The following ZBTB16 variants were observed in gnomAD, a reference collection of about 807,000 sequenced individuals.
ZBTB16 encodes the protein zinc finger and BTB domain containing 16, also known as zinc finger and BTB domain-containing protein 16.
ZBTB16 carries 8 observed loss-of-function variants against 56.8 expected under a neutral mutation model. The ratio of observed to expected loss-of-function variants is 0.14; its 90% confidence interval spans 0.08 to 0.25. The LOEUF is 0.25. Ranked by LOEUF, ZBTB16 falls within the 10% of genes least tolerant of loss-of-function variation. ZBTB16 has a pLI of 1.00. For synonymous variants in ZBTB16, 363 were observed against 368.5 expected (o/e 0.98, Z 0.17); for missense variants, 625 against 903.0 (o/e 0.69, Z 3.95).
At chr11:114,134,961 C>G (rs1482263320) in intron 2 of ZBTB16, among the ~76,000 whole-genome samples, 3 of 152,140 alleles carry the variant, frequency 2.0e-5, no homozygotes, top group Non-Finnish European at 2.9e-5. Flanking sequence ...ATCAGATAAG[C>G]CACCAGTATT....
At chr11:114,168,953 G>A (rs1199742725) in intron 3 of ZBTB16, among the ~76,000 whole-genome samples, 2 of 152,212 alleles carry the variant, frequency 1.3e-5, no homozygotes. Flanking sequence ...TCTGCTCAGT[G>A]CCTTGTAGGG....
At chr11:114,095,226 A>ATTTCATTTCT (rs1940338223) in intron 2 of ZBTB16, among the ~76,000 whole-genome samples, 3 of 67,650 alleles carry the variant, frequency 4.4e-5, no homozygotes, top group Admixed American at 1.7e-4. Flanking sequence ...TATGTAACCA[A>ATTTCATTTCT]TTTCTTTTCT....
At chr11:114,246,083 A>C (rs1258951750) in intron 5 of ZBTB16, among the ~76,000 whole-genome samples, 1 of 152,068 alleles carries the variant, frequency 6.6e-6, no homozygotes, top group East Asian at 1.9e-4. Flanking sequence ...CATGCTCTGG[A>C]GATTTAAGAG....
At chr11:114,228,145 A>G (rs919685402) in intron 4 of ZBTB16, among the ~76,000 whole-genome samples, 7 of 152,244 alleles carry the variant, frequency 4.6e-5, no homozygotes, top group African/African-American at 1.4e-4. Context: ...AGTAAAATAC[A>G]TAGGATTGTC....
intron 1 of ZBTB16, among the ~76,000 whole-genome samples, chr11:114,062,090 TAAAC>T (rs1938896303): frequency 6.7e-6 from 1 of 150,174 alleles, no homozygotes; most frequent in African/African-American, 2.4e-5. Flanking sequence ...TGTGTGTGTG[TAAAC>T]ACACACACAC....
At chr11:114,170,198 A>G (rs1372407372) in intron 3 of ZBTB16, among the ~76,000 whole-genome samples, 1 of 152,210 alleles carries the variant, frequency 6.6e-6, no homozygotes, top group Non-Finnish European at 1.5e-5. Flanking sequence ...CTCATATAGG[A>G]TTTGATGGAC....
In ZBTB16 at chr11:114,060,001, T is replaced by C; in HGVS notation, c.-91+119T>C. 5.1e-6 allele frequency: 2 copies of C among 390,352 alleles called. No individual in the cohort carries two copies. Among genetic ancestry groups the C allele is most frequent in the East Asian group, 7.3e-5 (2 of 27,584 alleles). 24.2% of individuals were successfully genotyped at this position (390,352 alleles called of 1,614,324 possible). Reference sequence around the variant, plus strand: ...TTCGGCCACTCGGCCGCTGGGCTTGTGCCTTTTTTATTTGGCGTGTTCCCT... The same window carrying C: ...TTCGGCCACTCGGCCGCTGGGCTTGCGCCTTTTTTATTTGGCGTGTTCCCT... On this transcript the variant is annotated intron_variant, in intron 1 of 6. Coordinates refer to ENST00000335953, the MANE Select transcript of ZBTB16 (RefSeq NM_006006.6). The surrounding 1 kb of genome is among the most constrained non-coding windows in gnomAD (Gnocchi z 6.0).
chr11:114,121,730 G>T (rs564029763), intron 2 of ZBTB16: 1 of 441,484 alleles, frequency 2.3e-6, no homozygotes, highest in Non-Finnish European at 4.6e-6. Flanking sequence ...TCTGATCCCA[G>T]ATCCCAAATC....
chr11:114,100,794 G>T (rs963481119), intron 2 of ZBTB16, among the ~76,000 whole-genome samples: 1 of 152,172 alleles, frequency 6.6e-6, no homozygotes, highest in Admixed American at 6.5e-5. Flanking sequence ...CAAACTTACC[G>T]CAGGACCAGA....
At position 114,064,273 on chromosome 11, in the gene ZBTB16, C is replaced by T. The variant is rs752560624; in HGVS notation, c.973C>T (p.Pro325Ser). 1.9e-6 allele frequency: 3 copies of T among 1,614,084 alleles called. No homozygotes were observed. Among genetic ancestry groups the T allele is most frequent in the Non-Finnish European group, 2.5e-6 (3 of 1,180,042 alleles). Reference sequence around the variant, plus strand: ...CACTGGCCGACCTGAGCACCCAGCACCCCCGCCTGAGAAGCATCTGGGCAT... The same window carrying T: ...CACTGGCCGACCTGAGCACCCAGCATCCCCGCCTGAGAAGCATCTGGGCAT... ...APTGRPEHPA[P>S]PPEKHLGIYS... The change falls in exon 2 of 7, where the codon CCC becomes TCC. Residue 325 changes from proline to serine, a missense_variant. This residue lies in a region of ZBTB16 where 384 missense variants were observed against 393.5 expected (regional missense o/e 0.98). Transcript: ENST00000335953. The surrounding 1 kb of genome is among the most constrained non-coding windows in gnomAD (Gnocchi z 4.2).
chr11:114,147,298 CAT>C (rs1369365435), intron 2 of ZBTB16, among the ~76,000 whole-genome samples: 2 of 152,238 alleles, frequency 1.3e-5, no homozygotes, highest in Admixed American at 6.5e-5. Context: ...AGAGTGGAAA[CAT>C]ATAAAAATGA....
At chr11:114,120,688 A>G (rs1288913240) in intron 2 of ZBTB16, among the ~76,000 whole-genome samples, 1 of 152,132 alleles carries the variant, frequency 6.6e-6, no homozygotes, top group Non-Finnish European at 1.5e-5. Flanking sequence ...CGGATGCTGT[A>G]TTTACTTAAG....
At chr11:114,081,514 T>C (rs1939758130) in intron 2 of ZBTB16, among the ~76,000 whole-genome samples, 1 of 152,206 alleles carries the variant, frequency 6.6e-6, no homozygotes, top group Non-Finnish European at 1.5e-5. Context: ...TAAAACCTTG[T>C]TGAGCACTTA....
intron 4 of ZBTB16, 104 bp downstream of exon 4, chr11:114,187,142 A>G (rs756234068): frequency 1.8e-6 from 2 of 1,124,012 alleles, no homozygotes; most frequent in African/African-American, 3.0e-5. Context: ...TGTGACATCC[A>G]GTAATTTCCT....
chr11:114,127,495 A>G (rs1181503665), intron 2 of ZBTB16, among the ~76,000 whole-genome samples: 3 of 151,972 alleles, frequency 2.0e-5, no homozygotes, highest in Non-Finnish European at 2.9e-5. Context: ...CCACCCCAGT[A>G]CACACACACA....
At chr11:114,235,703 CTTTTCTTTCTTTCT>C (rs1944566924) in intron 4 of ZBTB16, among the ~76,000 whole-genome samples, 4 of 100,740 alleles carry the variant, frequency 4.0e-5, no homozygotes, top group Non-Finnish European at 8.1e-5. Flanking sequence ...TTCTTTCTTT[CTTTTCTTTCTTTCT>C]TTTTCTTTCT....
intron 4 of ZBTB16, chr11:114,210,510 A>G (rs1395137458): frequency 4.3e-6 from 1 of 231,886 alleles, no homozygotes; most frequent in Non-Finnish European, 8.5e-6. Context: ...TTGCTAAGCT[A>G]CAGAAAAATC....
intron 2 of ZBTB16, among the ~76,000 whole-genome samples, chr11:114,155,011 C>T (rs151197149): frequency 5.9e-5 from 9 of 151,308 alleles, no homozygotes; most frequent in African/African-American, 1.7e-4. Context: ...GTGGGTGGCT[C>T]GGTTTTGCTA....
chr11:114,074,707 C>T (rs924503954), intron 2 of ZBTB16, among the ~76,000 whole-genome samples: 4 of 152,216 alleles, frequency 2.6e-5, no homozygotes, highest in Admixed American at 1.3e-4. Context: ...AGCCGGAGCT[C>T]GCCGTGCGAG....
Sources: gnomAD v4.1 joint callset for allele counts (sites outside exome capture counted in the v4.1 genomes callset) on GRCh38, gnomAD v4.1.1 for gene constraint, gnomAD v4.1.1 regional missense constraint, Gnocchi (gnomAD v3.1) non-coding constraint, MANE v1.5 for transcripts, NCBI Gene and HGNC (gene_info 2026-07-23, HGNC 2026-07-21) for gene names.